MAPK8: variants seen among roughly 807,000 people sequenced by gnomAD.
The protein encoded by MAPK8 is mitogen-activated protein kinase 8, also known as JUN N-terminal kinase.
In MAPK8, 13 loss-of-function variants were observed where a neutral mutation model predicts 52.9. The observed-to-expected ratio is 0.25, with a 90% CI of 0.16 to 0.39. The LOEUF is 0.39. Ranked by LOEUF, MAPK8 falls within the 10% of genes least tolerant of loss-of-function variation. The pLI is 1.00. For synonymous variants in MAPK8, 191 were observed against 169.8 expected (o/e 1.12, Z -0.97); for missense variants, 300 against 519.2 (o/e 0.58, Z 4.10).
At chr10:48,387,781 G>A (rs187612548) in intron 1 of MAPK8, among the ~76,000 whole-genome samples, 1 of 152,112 alleles carries the variant, frequency 6.6e-6, no homozygotes. Context: ...TAAAATCATG[G>A]CCCTGAATGT....
intron 6 of MAPK8, among the ~76,000 whole-genome samples, chr10:48,421,388 T>G (rs2043346234): frequency 6.6e-6 from 1 of 152,224 alleles, no homozygotes; most frequent in East Asian, 1.9e-4. Context: ...CCCACCAGCA[T>G]GAAGATTGCT....
chr10:48,404,787 C>G, intron 2 of MAPK8, 65 bp from the exon 3 acceptor site: 4 of 1,318,558 alleles, frequency 3.0e-6, no homozygotes, highest in Admixed American at 2.0e-5. Flanking sequence ...ATGACTGTTT[C>G]ATGAATTCAG....
intron 1 of MAPK8, among the ~76,000 whole-genome samples, chr10:48,387,594 C>A (rs2041390997): frequency 6.6e-6 from 1 of 152,182 alleles, no homozygotes; most frequent in East Asian, 1.9e-4. Context: ...ATGAATTTAA[C>A]TTTTGAATAT....
At chr10:48,398,669 G>T (rs909444809) in intron 1 of MAPK8, among the ~76,000 whole-genome samples, 1 of 152,230 alleles carries the variant, frequency 6.6e-6, no homozygotes, top group East Asian at 1.9e-4. Context: ...AAATGTCCAA[G>T]TGGTACGTCC....
intron 3 of MAPK8, among the ~76,000 whole-genome samples, chr10:48,408,377 G>C (rs958033421): frequency 1.3e-5 from 2 of 152,192 alleles, no homozygotes; most frequent in African/African-American, 4.8e-5. Context: ...ACTAGGAGTT[G>C]TCAGAATCTA....
chr10:48,384,712 A>G (rs2041210219), intron 1 of MAPK8, among the ~76,000 whole-genome samples: 2 of 152,252 alleles, frequency 1.3e-5, no homozygotes, highest in African/African-American at 4.8e-5. Context: ...GGTCCAGATT[A>G]TTAGTAGGAC....
intron 1 of MAPK8, among the ~76,000 whole-genome samples, chr10:48,336,576 TA>T (rs1844711835): frequency 6.6e-6 from 1 of 152,154 alleles, no homozygotes; most frequent in African/African-American, 2.4e-5. Context: ...CTAAGAACTC[TA>T]AAAAATATTT....
chr10:48,419,957 A>T (rs1027959067), intron 5 of MAPK8, among the ~76,000 whole-genome samples, 198 bp from the exon 6 acceptor site: 1 of 152,214 alleles, frequency 6.6e-6, no homozygotes, highest in Non-Finnish European at 1.5e-5. Context: ...TAATAACTGT[A>T]TGTATTCATA....
chr10:48,397,457 A>G (rs893577722), intron 1 of MAPK8, among the ~76,000 whole-genome samples: 7 of 152,102 alleles, frequency 4.6e-5, no homozygotes, highest in African/African-American at 1.4e-4. Context: ...CTACTAACCT[A>G]TAACTTTTTA....
intron 5 of MAPK8, chr10:48,410,431 A>T (rs549474278): frequency 6.6e-6 from 2 of 301,368 alleles, no homozygotes; most frequent in Non-Finnish European, 1.2e-5. Flanking sequence ...TATATGAAAT[A>T]CGGCGTGATG....
intron 1 of MAPK8, among the ~76,000 whole-genome samples, chr10:48,387,500 A>G (rs192168648): frequency 3.5e-4 from 53 of 152,292 alleles, no homozygotes; most frequent in African/African-American, 1.2e-3. Context: ...AAGATTTTAT[A>G]AGATTATATA....
In MAPK8 at chr10:48,419,183, T is replaced by A. The variant is rs2043216509; in HGVS notation, c.451-972T>A. On this transcript the variant is annotated intron_variant, in intron 5 of 11. Transcript: ENST00000374189. ...CGAAATATGTTAAAGACAACATACA[T>A]GCTTTTCTGTATGTTAACATTACAA... Among the ~76,000 whole-genome samples the A allele has an allele frequency of 2.0e-5, 3 of 152,218 alleles. No individual in the cohort carries two copies. The South Asian group carries it at 6.2e-4, about 31-fold the overall frequency.
chr10:48,401,850 A>G (rs2042175453), intron 2 of MAPK8, 68 bp downstream of exon 2: 2 of 1,252,194 alleles, frequency 1.6e-6, no homozygotes, highest in Admixed American at 2.9e-5. Context: ...CTCGTAATTT[A>G]GATACCTTGG....
At chr10:48,372,550 AAC>A (rs2040389572) in intron 1 of MAPK8, among the ~76,000 whole-genome samples, 1 of 152,140 alleles carries the variant, frequency 6.6e-6, no homozygotes, top group South Asian at 2.1e-4. Context: ...GGAACTGAAA[AAC>A]ACAGCACGAG....
chr10:48,321,864 A>G (rs1201784918), intron 1 of MAPK8, among the ~76,000 whole-genome samples: 2 of 152,158 alleles, frequency 1.3e-5, no homozygotes, highest in African/African-American at 4.8e-5. Flanking sequence ...GTCTATTCTT[A>G]GGTTCCCACG....
At chr10:48,349,588 A>G (rs1023549574) in intron 1 of MAPK8, among the ~76,000 whole-genome samples, 2 of 152,216 alleles carry the variant, frequency 1.3e-5, no homozygotes, top group African/African-American at 2.4e-5. Context: ...CAAAGACACA[A>G]TGTATCAGAA....
chr10:48,360,213 A>G lies in MAPK8; in HGVS notation c.-49-41399A>G, dbSNP rs375584311. On this transcript the variant is annotated intron_variant, in intron 1 of 11. Transcript: ENST00000374189. ...TGTAAAGAACTCGAACAGTTGAACT[A>G]GAAAGAGACTTCAAAAATAGGAAAA... Among the ~76,000 whole-genome samples, 261 of 152,348 alleles carry G rather than the reference A, an allele frequency of 1.7e-3. 5 individuals carry two copies. The highest frequency in any genetic ancestry group is 0.011 in the South Asian group (52 of 4,828).
chr10:48,318,656 C>A (rs1325022552), intron 1 of MAPK8, among the ~76,000 whole-genome samples: 1 of 152,016 alleles, frequency 6.6e-6, no homozygotes, highest in Non-Finnish European at 1.5e-5. Flanking sequence ...AGAGACAAAT[C>A]CTGAACGTGA....
In MAPK8 at chr10:48,349,287, A is replaced by G. The variant is rs548071843; in HGVS notation, c.-50+42466A>G. Among the ~76,000 whole-genome samples, 3 of 152,316 alleles carry G rather than the reference A, an allele frequency of 2.0e-5. No individual in the cohort carries two copies. In the East Asian group the frequency reaches 5.8e-4, roughly 29 times the overall value. ...GACCAAGCGGACCTAATAGACATCGATAGAACTCTCCACCCCAAATCAACA... is the reference window on the plus strand; with the variant it reads ...GACCAAGCGGACCTAATAGACATCGGTAGAACTCTCCACCCCAAATCAACA... On this transcript the variant is annotated intron_variant, in intron 1 of 11. Transcript: ENST00000374189.
Sources: gnomAD v4.1 joint callset for allele counts (sites outside exome capture counted in the v4.1 genomes callset) on GRCh38, gnomAD v4.1.1 for gene constraint, MANE v1.5 for transcripts, NCBI Gene and HGNC (gene_info 2026-07-23, HGNC 2026-07-21) for gene names.